Variants in DHX33 observed in about 807,000 individuals in gnomAD.
The protein encoded by DHX33 is DEAH-box helicase 33, also known as ATP-dependent RNA helicase DHX33.
A neutral mutation model predicts 72.5 loss-of-function variants in DHX33; 42 were observed. That is an observed-to-expected ratio of 0.58 (90% confidence interval 0.45 to 0.75). The LOEUF (loss-of-function observed/expected upper bound fraction) is 0.75. Among genes scored for constraint, DHX33 ranks in the 30% least tolerant of loss-of-function variants. The pLI, the probability that DHX33 is intolerant of heterozygous loss-of-function variation, is 0.00. For missense variants in DHX33, 842 were observed against 917.5 expected (o/e 0.92, Z 1.06); for synonymous variants, 358 against 366.1 (o/e 0.98, Z 0.25).
intron 4 of DHX33, among the ~76,000 whole-genome samples, chr17:5,459,055 C>T (rs1403073026): frequency 1.3e-5 from 2 of 152,060 alleles, no homozygotes; most frequent in East Asian, 3.9e-4. Context: ...AAAAAATTAG[C>T]CAGGTGTACT....
intron 4 of DHX33, among the ~76,000 whole-genome samples, chr17:5,460,175 C>T (rs372645511): frequency 2.6e-5 from 4 of 151,774 alleles, no homozygotes; most frequent in Non-Finnish European, 4.4e-5. Context: ...CTACCACACC[C>T]GGCTAATTTT....
intron 8 of DHX33, 32 bp downstream of exon 8, chr17:5,453,548 C>G: frequency 6.3e-7 from 1 of 1,588,284 alleles, no homozygotes; most frequent in Non-Finnish European, 8.6e-7. Flanking sequence ...GTCTCCTCAC[C>G]CACCTTCTGC....
Position 5,444,461 on chromosome 17 carries a change from C to T in DHX33, c.1868G>A (p.Cys623Tyr), listed in dbSNP as rs1177857934. ...SRGDVESVRR[C>Y]LAHSLFMSTA... ...GCTCATGAAGAGGCTGTGAGCCAGG[C>T]AGCGGCGGACACTCTCCACGTCTCC... is the stretch of plus-strand genomic sequence containing the variant. Residue 623 changes from cysteine to tyrosine, a missense_variant, in exon 12 of 12, where the codon TGC becomes TAC. By Grantham distance (194) the Cys-to-Tyr change is radical. Transcript: ENST00000225296. The surrounding 1 kb of genome is among the most constrained non-coding windows in gnomAD (Gnocchi z 4.9). 6.2e-7 allele frequency: 1 copy of T among 1,614,048 alleles called. No individual in the cohort carries two copies. The highest frequency in any genetic ancestry group is 1.7e-5 in the Admixed American group (1 of 60,008).
chr17:5,443,949 T>C lies in DHX33; in HGVS notation c.*256A>G. 2.3e-6 allele frequency: 1 copy of C among 441,352 alleles called. No homozygotes were observed. The highest frequency in any genetic ancestry group is 4.0e-6 in the Non-Finnish European group (1 of 247,688). The allele number at this position is 441,352 out of a possible 1,614,324, so 27.3% of individuals were successfully genotyped here. On this transcript the variant is annotated 3_prime_UTR_variant, in exon 12 of 12. Coordinates refer to ENST00000225296, the MANE Select transcript of DHX33 (RefSeq NM_020162.4). The stretch of plus-strand genomic sequence containing the variant: ...ATTTGGCAGATGAGAAAACTGAGGC[T>C]CAGGTGTTAAATTAAGTCAAAGTCA...
chr17:5,456,652 G>T (rs1482373116), intron 4 of DHX33, among the ~76,000 whole-genome samples: 2 of 152,286 alleles, frequency 1.3e-5, no homozygotes, highest in East Asian at 3.9e-4. Context: ...GCCAAGTGAT[G>T]AAATTTTGAA....
intron 5 of DHX33, 63 bp from the exon 6 acceptor site, chr17:5,455,334 C>A: frequency 7.5e-7 from 1 of 1,336,512 alleles, no homozygotes; most frequent in Non-Finnish European, 1.1e-6. Context: ...AGTCTTCAAA[C>A]ATATTCTCAC....
At chr17:5,449,074 C>T (rs1916781276) in intron 10 of DHX33, among the ~76,000 whole-genome samples, 179 bp from the exon 11 acceptor site, 1 of 152,122 alleles carries the variant, frequency 6.6e-6, no homozygotes, top group South Asian at 2.1e-4. Flanking sequence ...TGCCACCATG[C>T]CCAGCTAACA....
Position 5,463,639 on chromosome 17 carries a change from C to G in DHX33, c.340G>C (p.Gly114Arg), listed in dbSNP as rs558551712. 6.2e-7 allele frequency: 1 copy of G among 1,614,008 alleles called. No individual in the cohort carries two copies. Among genetic ancestry groups the G allele is most frequent in the African/African-American group, 1.3e-5 (1 of 74,996 alleles). ...TTQIPQYLYE[G>R]GISRQGIIAV... ...ATGATGCCCTGGCGGCTGATCCCTC[C>G]TTCATACAGGTACTGAGGGATCTGA... The change falls in exon 2 of 12, where the codon GGA becomes CGA. Residue 114 changes from glycine (G) to arginine (R), a missense_variant. Transcript: ENST00000225296.
chr17:5,465,463 A>G (rs1256350357), intron 1 of DHX33, among the ~76,000 whole-genome samples: 6 of 152,164 alleles, frequency 3.9e-5, no homozygotes, highest in African/African-American at 1.4e-4. Context: ...AATGCTTGGA[A>G]CCAGAAGTGT....
chr17:5,463,459 A>G (rs1462816266), intron 2 of DHX33, 70 bp downstream of exon 2: 17 of 1,482,072 alleles, frequency 1.1e-5, no homozygotes, highest in Non-Finnish European at 1.5e-5. Context: ...TTAGAAAAAT[A>G]AAAGGCAGTG....
At chr17:5,447,750 C>T (rs1456641135) in intron 11 of DHX33, among the ~76,000 whole-genome samples, 1 of 152,212 alleles carries the variant, frequency 6.6e-6, no homozygotes, top group Non-Finnish European at 1.5e-5. Flanking sequence ...ATGGTCACTA[C>T]AACAGAATCT....
At chr17:5,448,945 T>G in intron 10 of DHX33, 50 bp from the exon 11 acceptor site, 1 of 1,464,654 alleles carries the variant, frequency 6.8e-7, no homozygotes, top group Non-Finnish European at 9.5e-7. Context: ...ACCATTTATA[T>G]GTTCACAGAG....
At chr17:5,458,396 G>A in intron 4 of DHX33, among the ~76,000 whole-genome samples, 1 of 152,064 alleles carries the variant, frequency 6.6e-6, no homozygotes, top group African/African-American at 2.4e-5. Context: ...CAGGGATGAT[G>A]GTGTGCTACT....
In DHX33 at chr17:5,468,673, AG is replaced by A; in HGVS notation, c.186del (p.Tyr63ThrfsTer62). On this transcript the variant is annotated frameshift_variant, in exon 1 of 12. Coordinates refer to ENST00000225296, the MANE Select transcript of DHX33 (RefSeq NM_020162.4). LOFTEE classifies it high-confidence loss of function. ...QPPLAQPSAS[P>X]YPEAVELQRR... ...CGCTGCAGCTCCACAGCTTCAGGGT[AG>A]GGACTGGCCGAGGGCTGGGCCAGGG... The A allele has an allele frequency of 6.2e-7, 1 of 1,612,610 alleles. No individual in the cohort carries two copies.
intron 1 of DHX33, among the ~76,000 whole-genome samples, chr17:5,465,090 T>C (rs953525890): frequency 1.3e-5 from 2 of 152,246 alleles, no homozygotes; most frequent in African/African-American, 4.8e-5. Flanking sequence ...TTGAGTATTT[T>C]GCATACAATA....
chr17:5,462,499 C>A lies in DHX33; in HGVS notation c.498G>T (p.Arg166Ser), dbSNP rs769191375. Residue 166 changes from arginine (R) to serine (S), a missense_variant, in exon 3 of 12, where the codon AGG becomes AGT. By Grantham distance (110) the Arg-to-Ser change is moderately radical. Transcript: ENST00000225296. ...RFDDVTSEDTRIKFLTDGMLL... is the reference protein window; with the variant it reads ...RFDDVTSEDTSIKFLTDGMLL... Reference sequence around the variant, plus strand: ...GCATGCCATCTGTCAGAAACTTGATCCTGGTGTCTTCTGAGGTGACATCAT... The same window carrying A: ...GCATGCCATCTGTCAGAAACTTGATACTGGTGTCTTCTGAGGTGACATCAT... 1.2e-6 allele frequency: 2 copies of A among 1,614,164 alleles called. No individual in the cohort carries two copies. The highest frequency in any genetic ancestry group is 1.7e-5 in the Admixed American group (1 of 60,014).
intron 3 of DHX33, among the ~76,000 whole-genome samples, 177 bp downstream of exon 3, chr17:5,462,142 G>A (rs1019377226): frequency 7.3e-5 from 11 of 151,246 alleles, no homozygotes; most frequent in Non-Finnish European, 1.0e-4. Flanking sequence ...GTTTCACCAC[G>A]TTGGCCAGGC....
rs1407343080 is a variant in DHX33, at chr17:5,450,917, T to C, written c.1414A>G (p.Ile472Val). 6.2e-7 allele frequency: 1 copy of C among 1,614,080 alleles called. No individual in the cohort carries two copies. The highest frequency in any genetic ancestry group is 8.5e-7 in the Non-Finnish European group (1 of 1,180,006). The change falls in exon 9 of 12, where the codon ATT (isoleucine) becomes GTT (valine). Residue 472 changes from isoleucine (I) to valine (V), a missense_variant. By Grantham distance (29) the Ile-to-Val change is conservative. Coordinates refer to ENST00000225296, the MANE Select transcript of DHX33 (RefSeq NM_020162.4). ...KPSPDHIQAA[I>V]AQLDLLGALE... ...GCACCTAACAGGTCCAGTTGGGCAA[T>C]GGCCGCCTGAATGTGATCTAAAGAA...
Position 5,450,906 on chromosome 17 carries a change from C to A in DHX33, c.1425G>T (p.Leu475=), listed in dbSNP as rs1916874488. ...PDHIQAAIAQ[L]DLLGALEHKD... is the part of the protein sequence containing the mutation. ...TATGTTCAAGAGCACCTAACAGGTC[C>A]AGTTGGGCAATGGCCGCCTGAATGT... The change falls in exon 9 of 12, where the codon CTG becomes CTT. Residue 475 remains leucine (L), a synonymous_variant. Transcript: ENST00000225296. The A allele has an allele frequency of 2.5e-6, 4 of 1,613,956 alleles. No homozygotes were observed. The highest frequency in any genetic ancestry group is 3.4e-6 in the Non-Finnish European group (4 of 1,180,028).
Sources: allele counts gnomAD v4.1 joint callset (sites outside exome capture counted in the v4.1 genomes callset), GRCh38; gene constraint gnomAD v4.1.1; non-coding constraint Gnocchi (gnomAD v3.1); transcripts MANE v1.5; gene names NCBI Gene and HGNC (gene_info 2026-07-23, HGNC 2026-07-21).